Variants in WDR24 observed in about 807,000 individuals in gnomAD.
WDR24 encodes WD repeat domain 24.
In WDR24, 32 loss-of-function variants were observed where a neutral mutation model predicts 66.7. That is an observed-to-expected ratio of 0.48 (90% CI 0.36 to 0.64). The LOEUF is 0.64. Among genes scored for constraint, WDR24 ranks in the 30% least tolerant of loss-of-function variants. The pLI is 0.00. For synonymous variants in WDR24, 565 were observed against 469.1 expected, an observed-to-expected ratio of 1.20 and a Z score of -2.64; for missense variants, 978 against 1,144.1, an observed-to-expected ratio of 0.85 and a Z score of 2.09.
At position 690,383 on chromosome 16, in the gene WDR24, C is replaced by T. The variant is rs907058792; in HGVS notation, c.-743G>A. On this transcript the variant is annotated 5_prime_UTR_variant, in exon 1 of 9. Transcript: ENST00000293883. ...CTAAAAGCGCACGGTTGTCCGGAAC[C>T]GCCGCGCCGGAAGCCGCTGTCTTTC... is the stretch of plus-strand genomic sequence containing the variant. The T allele has an allele frequency of 2.2e-6, 1 of 456,704 alleles. No homozygotes were observed. 28.3% of individuals were successfully genotyped at this position (456,704 alleles called of 1,614,324 possible).
chr16:684,992 C>T lies in WDR24; in HGVS notation c.2204G>A (p.Arg735Lys). 6.5e-7 allele frequency: 1 copy of T among 1,545,140 alleles called. No individual in the cohort carries two copies. The highest frequency in any genetic ancestry group is 8.7e-7 in the Non-Finnish European group (1 of 1,147,690). The change falls in exon 8 of 9, where the codon AGG becomes AAG. Residue 735 changes from arginine (R) to lysine (K), a missense_variant and splice_region_variant. By Grantham distance (26) the Arg-to-Lys change is conservative. Transcript: ENST00000293883. ...CCACCTCCCGACCCCACTGCCCCAC[C>T]TGTCGCAGACCCAGCCCCGGCTGCT... ...PMSSRGWVCD[R>K]CHRCASMCAV... is the part of the protein sequence containing the mutation.
chr16:686,930 C>T lies in WDR24; in HGVS notation c.1146G>A (p.Lys382=), dbSNP rs749206702. The T allele has an allele frequency of 1.9e-6, 3 of 1,604,904 alleles. No homozygotes were observed. The highest frequency in any genetic ancestry group is 2.2e-5 in the South Asian group (2 of 90,574). The change falls in exon 3 of 9, where the codon AAG becomes AAA. Residue 382 remains lysine (K), a synonymous_variant. Coordinates refer to ENST00000293883, the MANE Select transcript of WDR24 (RefSeq NM_032259.4). ...DRRHPIFFKR[K]LDPAEPFAGL... The stretch of plus-strand genomic sequence containing the variant: ...CTGCGAAGGGCTCGGCAGGGTCCAG[C>T]TTGCGCTTAAAGAAGATGGGGTGGC...
Position 685,250 on chromosome 16 carries a change from C to T in WDR24, c.2019+7G>A. ...GCTGCAGGGGGGAGGCCCCGCCCAC[C>T]ACACACCTGGGTCTGCTCGTCGATG... is the stretch of plus-strand genomic sequence containing the variant. On this transcript the variant is annotated splice_region_variant and intron_variant, in intron 7 of 8. Transcript: ENST00000293883. 2.5e-6 allele frequency: 4 copies of T among 1,594,468 alleles called. No individual in the cohort carries two copies. Among genetic ancestry groups the T allele is most frequent in the Non-Finnish European group, 3.4e-6 (4 of 1,170,602 alleles).
Position 686,806 on chromosome 16 carries a change from G to A in WDR24, c.1270C>T (p.Arg424Trp), listed in dbSNP as rs151322294. Residue 424 changes from arginine (R) to tryptophan (W), a missense_variant, in exon 3 of 9, where the codon CGG (arginine) becomes TGG (tryptophan). Arg to Trp is a moderately radical substitution (Grantham distance 101, BLOSUM62 -3). This residue lies in a region of WDR24 where 676 missense variants were observed against 617.5 expected (regional missense o/e 1.09). Transcript: ENST00000293883. ...TGGTCACAGAGCTCGGCCAGTGGCC[G>A]GCCAGCCAGCGCATAACGCTCAGCT... is the stretch of plus-strand genomic sequence containing the variant. ...DTAERYALAG[R>W]PLAELCDHNA... 1.5e-5 allele frequency: 24 copies of A among 1,611,120 alleles called. No homozygotes were observed. Among genetic ancestry groups the A allele is most frequent in the Admixed American group, 6.7e-5 (4 of 59,912 alleles).
chr16:688,313 G>A (rs530962543), intron 1 of WDR24, among the ~76,000 whole-genome samples: 2 of 152,302 alleles, frequency 1.3e-5, no homozygotes, highest in East Asian at 1.9e-4. Context: ...TTTAGACGGA[G>A]TCTCCCTCTG....
Position 687,581 on chromosome 16 carries a change from C to T in WDR24, c.640G>A (p.Asp214Asn), listed in dbSNP as rs1391260892. ...TAHNGPVFCC[D>N]WHPEDRGWLA... ...CCACACCTGTCCTCGGGGTGCCAGT[C>T]GCAGCAGAAGACGGGTCCGTTGTGG... Residue 214 changes from aspartate (D) to asparagine (N), a missense_variant, in exon 2 of 9, where the codon GAC becomes AAC. By Grantham distance (23) the Asp-to-Asn change is conservative. This residue lies in a region of WDR24 where 302 missense variants were observed against 526.6 expected (regional missense o/e 0.57). Coordinates refer to ENST00000293883, the MANE Select transcript of WDR24 (RefSeq NM_032259.4). The T allele has an allele frequency of 1.2e-6, 2 of 1,612,896 alleles. No homozygotes were observed. The highest frequency in any genetic ancestry group is 1.7e-5 in the Admixed American group (1 of 60,022).
intron 1 of WDR24, among the ~76,000 whole-genome samples, chr16:688,382 G>C (rs1020524740): frequency 1.3e-5 from 2 of 152,200 alleles, no homozygotes; most frequent in Non-Finnish European, 2.9e-5. Context: ...CCACCTCCCG[G>C]GTTCAAGCAA....
chr16:689,137 C>T (rs2039940515), intron 1 of WDR24, 23 bp downstream of exon 1: 1 of 1,610,378 alleles, frequency 6.2e-7, no homozygotes, highest in Non-Finnish European at 8.5e-7. Context: ...CCCACCTGCC[C>T]TGACCTGCCT....
At chr16:686,684 G>T in intron 3 of WDR24, 60 bp downstream of exon 3, 1 of 1,521,434 alleles carries the variant, frequency 6.6e-7, no homozygotes, top group Non-Finnish European at 8.8e-7. Context: ...AGCTGACGGA[G>T]GAACCAGCCC....
chr16:686,897 G>T lies in WDR24; in HGVS notation c.1179C>A (p.Ala393=). Residue 393 remains alanine, a synonymous_variant, in exon 3 of 9, where the codon GCC becomes GCA. Coordinates refer to ENST00000293883, the MANE Select transcript of WDR24 (RefSeq NM_032259.4). ...TCTCAAAGACACTGAGGGCACTGGA[G>T]GCGAGGCCTGCGAAGGGCTCGGCAG... The part of the protein sequence containing the change: ...LDPAEPFAGL[A]SSALSVFETE... 1 of 1,608,850 alleles carries T rather than the reference G, an allele frequency of 6.2e-7. No homozygotes were observed. The highest frequency in any genetic ancestry group is 8.5e-7 in the Non-Finnish European group (1 of 1,179,478).
chr16:688,733 C>G (rs1220561056), intron 1 of WDR24, among the ~76,000 whole-genome samples: 1 of 152,232 alleles, frequency 6.6e-6, no homozygotes, highest in Non-Finnish European at 1.5e-5. Context: ...AGGAAAAGGG[C>G]CCCAGGGCAC....
chr16:687,879 T>A, intron 1 of WDR24, 140 bp from the exon 2 acceptor site: 2 of 1,171,214 alleles, frequency 1.7e-6, no homozygotes, highest in Non-Finnish European at 2.5e-6. Context: ...ATCCCCAAGA[T>A]CTGCCCAAGG....
At position 687,665 on chromosome 16, in the gene WDR24, C is replaced by T. The variant is rs756661315; in HGVS notation, c.556G>A (p.Gly186Ser). Residue 186 changes from glycine to serine, a missense_variant, in exon 2 of 9, where the codon GGC becomes AGC. Coordinates refer to ENST00000293883, the MANE Select transcript of WDR24 (RefSeq NM_032259.4). ...CGGATGTCCCAGAGCTGCACATTGC[C>T]GTTCTCAAAGGTGGAGGCGAAGGTG... ...YFTFASTFEN[G>S]NVQLWDIRRP... The T allele has an allele frequency of 3.1e-6, 5 of 1,613,538 alleles. No individual in the cohort carries two copies. The highest frequency in any genetic ancestry group is 2.2e-5 in the South Asian group (2 of 91,092).
At chr16:689,002 T>C in intron 1 of WDR24, 158 bp downstream of exon 1, 1 of 1,214,182 alleles carries the variant, frequency 8.2e-7, no homozygotes, top group East Asian at 2.5e-5. Context: ...CAGCCCAACT[T>C]GCCCCATCCC....
intron 1 of WDR24, 117 bp downstream of exon 1, chr16:689,043 A>G (rs553424531): frequency 8.2e-6 from 12 of 1,466,400 alleles, no homozygotes; most frequent in African/African-American, 7.0e-5. Context: ...CCCCTGAGGA[A>G]GCCCTCTGGG....
At position 685,450 on chromosome 16, in the gene WDR24, G is replaced by T; in HGVS notation, c.1826C>A (p.Pro609His). 1 of 1,607,264 alleles carries T rather than the reference G, an allele frequency of 6.2e-7. No homozygotes were observed. The highest frequency in any genetic ancestry group is 8.5e-7 in the Non-Finnish European group (1 of 1,175,488). ...CAGGAGCGAGAAGGAGGAGTCCACG[G>T]GGGCCAGGGAGGCCACATCCGCCTC... is the stretch of plus-strand genomic sequence containing the variant. ...GSEADVASLA[P>H]VDSSFSLLSV... Residue 609 changes from proline (P) to histidine (H), a missense_variant, in exon 7 of 9, where the codon CCC (proline) becomes CAC (histidine). This residue lies in a region of WDR24 where 676 missense variants were observed against 617.5 expected (regional missense o/e 1.09). Transcript: ENST00000293883.
chr16:684,817 C>T lies in WDR24; in HGVS notation c.2290G>A (p.Gly764Ser), dbSNP rs895222481. 2.5e-6 allele frequency: 4 copies of T among 1,573,690 alleles called. No homozygotes were observed. The highest frequency in any genetic ancestry group is 1.4e-5 in the African/African-American group (1 of 73,698). The stretch of plus-strand genomic sequence containing the variant: ...CACTTCATGATGTGCTGCAGGTGGC[C>T]GCCGTGGCTGCAGCCCTGGCACCAC... Reference protein sequence around the residue: ...FVWCQGCSHGGHLQHIMKWLE... With the variant: ...FVWCQGCSHGSHLQHIMKWLE... Residue 764 changes from glycine (G) to serine (S), a missense_variant, in exon 9 of 9, where the codon GGC becomes AGC. Transcript: ENST00000293883.
At chr16:687,895 G>A (rs2039928092) in intron 1 of WDR24, 156 bp from the exon 2 acceptor site, 1 of 993,054 alleles carries the variant, frequency 1.0e-6, no homozygotes, top group Non-Finnish European at 1.5e-6. Flanking sequence ...CAAGGAAGCA[G>A]CCACACAGAG....
chr16:685,984 G>T lies in WDR24; in HGVS notation c.1458C>A (p.Asn486Lys). The T allele has an allele frequency of 6.2e-7, 1 of 1,613,054 alleles. No homozygotes were observed. Among genetic ancestry groups the T allele is most frequent in the South Asian group, 1.1e-5 (1 of 91,090 alleles). The change falls in exon 5 of 9, where the codon AAC (asparagine) becomes AAA (lysine). Residue 486 changes from asparagine (N) to lysine (K), a missense_variant. By Grantham distance (94) the Asn-to-Lys change is moderately conservative. This residue lies in a region of WDR24 where 676 missense variants were observed against 617.5 expected (regional missense o/e 1.09). Transcript: ENST00000293883. ...SCGLPLMNSFNLKDMAPGLGS... is the reference protein window; with the variant it reads ...SCGLPLMNSFKLKDMAPGLGS... ...CCAACCCTGGGGCCATATCCTTCAG[G>T]TTGAAACTGGGGGCAGGAAGGGCCC...
Sources: gnomAD v4.1 joint callset for allele counts (sites outside exome capture counted in the v4.1 genomes callset) on GRCh38, gnomAD v4.1.1 for gene constraint, gnomAD v4.1.1 regional missense constraint, MANE v1.5 for transcripts, NCBI Gene and HGNC (gene_info 2026-07-23, HGNC 2026-07-21) for gene names.